RNF130: variants seen among roughly 807,000 people sequenced by gnomAD.
The protein encoded by RNF130 is ring finger protein 130.
In RNF130, 21 loss-of-function variants were observed where a neutral mutation model predicts 44.6. The observed-to-expected ratio is 0.47, with a 90% confidence interval of 0.33 to 0.68. The LOEUF is 0.68. RNF130 is among the 30% of genes least tolerant of loss of function. RNF130 has a pLI of 0.02. For synonymous variants in RNF130, 214 were observed against 210.4 expected (o/e 1.02, Z -0.15); for missense variants, 479 against 560.6 (o/e 0.85, Z 1.47).
chr5:179,996,766 T>C (rs901086199), intron 3 of RNF130, among the ~76,000 whole-genome samples: 2 of 152,254 alleles, frequency 1.3e-5, no homozygotes, highest in African/African-American at 2.4e-5. Context: ...TACTTGTCTA[T>C]ATTTTTCTTT....
chr5:179,937,298 G>A lies in RNF130; in HGVS notation c.1151-16872C>T, dbSNP rs986998694. ...AATGGAGAAAACATTTGTAAATCAC[G>A]TATCTGATAAGGGCCTAGTATCTGG... On this transcript the variant is annotated intron_variant, in intron 7 of 7. Transcript: ENST00000522208. 6.6e-5 allele frequency among the ~76,000 whole-genome samples: 10 copies of A among 152,164 alleles called. No homozygotes were observed. In the South Asian group the frequency reaches 1.4e-3, roughly 22 times the overall value.
At chr5:180,071,122 C>T (rs967975366) in intron 1 of RNF130, among the ~76,000 whole-genome samples, 2 of 152,214 alleles carry the variant, frequency 1.3e-5, no homozygotes, top group African/African-American at 2.4e-5. Context: ...GACGTCCTCC[C>T]CATGAAGTAG....
intron 7 of RNF130, among the ~76,000 whole-genome samples, chr5:179,949,333 T>C (rs905765347): frequency 3.3e-5 from 5 of 151,594 alleles, no homozygotes; most frequent in South Asian, 2.1e-4. Context: ...GTTGCAACCA[T>C]AGCTCACTAT....
intron 3 of RNF130, among the ~76,000 whole-genome samples, chr5:179,997,271 A>G (rs1763222453): frequency 6.6e-6 from 1 of 152,050 alleles, no homozygotes; most frequent in Non-Finnish European, 1.5e-5. Context: ...CCTCCTGAGT[A>G]GCTGGGATTA....
At chr5:180,010,203 A>C (rs1055313303) in intron 3 of RNF130, among the ~76,000 whole-genome samples, 10 of 132,254 alleles carry the variant, frequency 7.6e-5, no homozygotes, top group Non-Finnish European at 1.2e-4. Context: ...GCTGAGATCC[A>C]GCCGCTGCAC....
intron 1 of RNF130, among the ~76,000 whole-genome samples, chr5:180,051,082 C>T (rs1290459017): frequency 1.3e-5 from 2 of 152,058 alleles, no homozygotes; most frequent in African/African-American, 2.4e-5. Context: ...GGATTACAGG[C>T]GTAAGCCACC....
intron 5 of RNF130, among the ~76,000 whole-genome samples, chr5:179,976,322 GT>G (rs1340226309): frequency 6.6e-6 from 1 of 152,232 alleles, no homozygotes; most frequent in Non-Finnish European, 1.5e-5. Context: ...CCCATGAATG[GT>G]TTTGGAGGCC....
At chr5:180,025,227 C>T (rs1763958951) in intron 2 of RNF130, among the ~76,000 whole-genome samples, 1 of 152,222 alleles carries the variant, frequency 6.6e-6, no homozygotes, top group Admixed American at 6.5e-5. Flanking sequence ...GGTCCATCAT[C>T]ATATGAACTT....
At chr5:180,026,859 A>C (rs1764002101) in intron 2 of RNF130, among the ~76,000 whole-genome samples, 1 of 152,170 alleles carries the variant, frequency 6.6e-6, no homozygotes, top group Non-Finnish European at 1.5e-5. Context: ...ACATGACACA[A>C]ACTTTAACTG....
chr5:179,950,348 C>T (rs1762107474), downstream of RNF130, among the ~76,000 whole-genome samples: 1 of 152,078 alleles, frequency 6.6e-6, no homozygotes, highest in Non-Finnish European at 1.5e-5. Flanking sequence ...AATCCCTGGG[C>T]TCAACTGATC....
intron 1 of RNF130, among the ~76,000 whole-genome samples, chr5:180,049,024 G>C (rs1764631175): frequency 1.3e-5 from 2 of 152,168 alleles, no homozygotes; most frequent in African/African-American, 4.8e-5. Context: ...AATTACATAA[G>C]GTTTCTGTTT....
intron 7 of RNF130, among the ~76,000 whole-genome samples, chr5:179,945,328 G>A (rs767270269): frequency 2.0e-5 from 3 of 152,188 alleles, no homozygotes; most frequent in Non-Finnish European, 4.4e-5. Context: ...ACGCTGCACA[G>A]ATCAGCTGCA....
At chr5:179,933,356 A>G (rs925334416) in intron 7 of RNF130, among the ~76,000 whole-genome samples, 1 of 145,984 alleles carries the variant, frequency 6.9e-6, no homozygotes, top group African/African-American at 2.5e-5. Context: ...AAAATCATCA[A>G]TTTATTTTCA....
intron 7 of RNF130, among the ~76,000 whole-genome samples, chr5:179,943,437 T>G (rs1761992391): frequency 6.6e-6 from 1 of 152,222 alleles, no homozygotes; most frequent in African/African-American, 2.4e-5. Flanking sequence ...CCTTCCAACC[T>G]TTTTTACTAT....
chr5:180,017,280 A>C (rs1317642408), intron 2 of RNF130, among the ~76,000 whole-genome samples: 1 of 152,186 alleles, frequency 6.6e-6, no homozygotes, highest in Non-Finnish European at 1.5e-5. Context: ...GTCCCTCCTC[A>C]GCTCGTCACT....
chr5:180,003,474 T>C (rs562510315), intron 3 of RNF130, among the ~76,000 whole-genome samples: 5 of 152,230 alleles, frequency 3.3e-5, no homozygotes, highest in Non-Finnish European at 5.9e-5. Context: ...AAATATCTCT[T>C]CTCTGTGTTA....
intron 7 of RNF130, among the ~76,000 whole-genome samples, chr5:179,936,385 A>T (rs1322807405): frequency 6.6e-6 from 1 of 152,094 alleles, no homozygotes; most frequent in Admixed American, 6.6e-5. Flanking sequence ...CATGCTGGCT[A>T]ATATTTTATA....
intron 3 of RNF130, among the ~76,000 whole-genome samples, chr5:180,001,115 T>C (rs560436860): frequency 2.0e-5 from 3 of 152,326 alleles, no homozygotes; most frequent in East Asian, 3.9e-4. Context: ...GTACAGTCTC[T>C]GTGCAGTTTC....
At chr5:180,049,251 G>T (rs567513741) in intron 1 of RNF130, among the ~76,000 whole-genome samples, 1 of 152,170 alleles carries the variant, frequency 6.6e-6, no homozygotes, top group African/African-American at 2.4e-5. Flanking sequence ...TCCCTCACTC[G>T]AGGGAAACAT....
Sources: allele counts gnomAD v4.1 joint callset (sites outside exome capture counted in the v4.1 genomes callset), GRCh38; gene constraint gnomAD v4.1.1; transcripts MANE v1.5; gene names NCBI Gene and HGNC (gene_info 2026-07-23, HGNC 2026-07-21).